Variants in PARD3B observed in about 807,000 individuals in gnomAD.
The protein encoded by PARD3B is partitioning defective 3 homolog B.
PARD3B carries 103 observed loss-of-function variants against 130.2 expected under a neutral mutation model. The ratio of observed to expected loss-of-function variants is 0.79; its 90% CI spans 0.67 to 0.93. PARD3B has a LOEUF of 0.93. PARD3B is among the 40% of genes least tolerant of loss of function. The pLI, the probability that PARD3B is intolerant of heterozygous loss-of-function variation, is 0.00. For synonymous variants in PARD3B, 583 were observed against 553.2 expected, an observed-to-expected ratio of 1.05 and a Z score of -0.76; for missense variants, 1,609 against 1,499.2, an observed-to-expected ratio of 1.07 and a Z score of -1.21.
chr2:205,504,173 G>A (rs541219931), intron 21 of PARD3B, among the ~76,000 whole-genome samples: 1 of 152,142 alleles, frequency 6.6e-6, no homozygotes, highest in Non-Finnish European at 1.5e-5. Context: ...ATGGTGCTGG[G>A]AAAACTGGCC....
intron 2 of PARD3B, among the ~76,000 whole-genome samples, chr2:204,713,047 G>A (rs1174022031): frequency 1.3e-5 from 2 of 152,056 alleles, no homozygotes; most frequent in East Asian, 3.9e-4. Context: ...GCTGTAGAGT[G>A]TTTCTAATGT....
Position 204,745,734 on chromosome 2 carries a change from T to G in PARD3B, c.222+59452T>G, listed in dbSNP as rs546188338. On this transcript the variant is annotated intron_variant, in intron 2 of 22. Transcript: ENST00000406610. ...ACCATTTTCATTACACCCAGAAGGT[T>G]GAGCCAATCTAATAATCTGTCCAAG... Among the ~76,000 whole-genome samples the G allele has an allele frequency of 2.3e-3, 353 of 152,176 alleles. 1 individual carries two copies. Among genetic ancestry groups the G allele is most frequent in the Non-Finnish European group, 3.1e-3 (208 of 67,992 alleles).
rs547190818 is a variant in PARD3B at position 205,037,865 on chromosome 2, T to C, written c.395-9716T>C. 3.3e-5 allele frequency among the ~76,000 whole-genome samples: 5 copies of C among 152,240 alleles called. No individual in the cohort carries two copies. The East Asian group carries it at 9.6e-4, about 29-fold the overall frequency. On this transcript the variant is annotated intron_variant, in intron 3 of 22. Transcript: ENST00000406610. Reference sequence around the variant, plus strand: ...TACTTATGTAAATTTTACAAAATTATATAATCATGTGATCTTGTTACTAAG... The same window carrying C: ...TACTTATGTAAATTTTACAAAATTACATAATCATGTGATCTTGTTACTAAG...
intron 18 of PARD3B, among the ~76,000 whole-genome samples, chr2:205,333,686 T>A (rs1009686568): frequency 2.0e-5 from 3 of 152,180 alleles, no homozygotes; most frequent in African/African-American, 4.8e-5. Flanking sequence ...CTTAGAATAT[T>A]TTCCATGTAC....
chr2:205,441,055 G>A (rs903447394), intron 20 of PARD3B, among the ~76,000 whole-genome samples: 4 of 152,222 alleles, frequency 2.6e-5, no homozygotes, highest in Non-Finnish European at 5.9e-5. Context: ...GAAAAGAGAA[G>A]ATGATAGCTT....
chr2:205,061,966 A>G (rs993412225), intron 4 of PARD3B, among the ~76,000 whole-genome samples: 6 of 152,022 alleles, frequency 3.9e-5, no homozygotes, highest in African/African-American at 1.4e-4. Context: ...TTATTAAGCA[A>G]CAAGCCAGTT....
chr2:205,346,922 G>A (rs150506522), intron 18 of PARD3B, among the ~76,000 whole-genome samples: 43 of 152,204 alleles, frequency 2.8e-4, no homozygotes, highest in African/African-American at 9.9e-4. Flanking sequence ...GCTAATGCTC[G>A]GTGGGTGGCC....
Position 205,619,412 on chromosome 2 carries a change from C to A in PARD3B, c.*3599C>A, listed in dbSNP as rs898995756. On this transcript the variant is annotated 3_prime_UTR_variant, in exon 23 of 23. Coordinates refer to ENST00000406610, the MANE Select transcript of PARD3B (RefSeq NM_001302769.2). ...CTTTGGCATTAAACTCTGAAACCTA[C>A]AATCAATGGCCTTCAAATTGGTGTT... 1 of 152,140 alleles carries A rather than the reference C, an allele frequency of 6.6e-6. No homozygotes were observed. The highest frequency in any genetic ancestry group is 1.5e-5 in the Non-Finnish European group (1 of 68,036). The allele number at this position is 152,140 out of a possible 1,614,324, so 9.4% of individuals were successfully genotyped here.
intron 3 of PARD3B, among the ~76,000 whole-genome samples, chr2:205,023,451 C>G (rs1049022859): frequency 2.8e-5 from 3 of 108,866 alleles, no homozygotes; most frequent in Non-Finnish European, 3.7e-5. Flanking sequence ...CATGCCCACA[C>G]CTTTTTTTTT....
chr2:205,520,923 T>A (rs928578718), intron 21 of PARD3B, among the ~76,000 whole-genome samples: 30 of 151,884 alleles, frequency 2.0e-4, no homozygotes, highest in African/African-American at 7.0e-4. Flanking sequence ...TTGTTTCTTA[T>A]CATAAGTAAT....
At chr2:204,608,721 C>T (rs1040398951) in intron 1 of PARD3B, among the ~76,000 whole-genome samples, 2 of 152,192 alleles carry the variant, frequency 1.3e-5, no homozygotes, top group Non-Finnish European at 2.9e-5. Flanking sequence ...GCAATATCTG[C>T]TGTTACTCCC....
intron 1 of PARD3B, among the ~76,000 whole-genome samples, chr2:204,684,148 C>A (rs2036967840): frequency 6.6e-6 from 1 of 152,142 alleles, no homozygotes; most frequent in Non-Finnish European, 1.5e-5. Flanking sequence ...GGAAGGTGTA[C>A]TTTAACTTAC....
chr2:204,574,654 T>C (rs1574484863), intron 1 of PARD3B, among the ~76,000 whole-genome samples: 1 of 152,368 alleles, frequency 6.6e-6, no homozygotes, highest in South Asian at 2.1e-4. Context: ...CTTCTGTTCT[T>C]ATCTGTAAGA....
chr2:204,953,045 T>C (rs1689919850), intron 2 of PARD3B, among the ~76,000 whole-genome samples: 2 of 145,098 alleles, frequency 1.4e-5, no homozygotes, highest in African/African-American at 5.1e-5. Flanking sequence ...TATGTATATA[T>C]GTATATATAC....
chr2:205,581,271 GATAGATATAGAT>G (rs1334496504), intron 22 of PARD3B, among the ~76,000 whole-genome samples: 4 of 131,214 alleles, frequency 3.0e-5, no homozygotes, highest in South Asian at 2.4e-4. Context: ...GATATAGATA[GATAGATATAGAT>G]ATATAGATAG....
At chr2:204,867,113 C>T (rs571674737) in intron 2 of PARD3B, among the ~76,000 whole-genome samples, 3 of 152,048 alleles carry the variant, frequency 2.0e-5, no homozygotes, top group African/African-American at 7.2e-5. Context: ...TTGTCCTTAT[C>T]AAAACAGTGC....
chr2:205,121,693 T>C lies in PARD3B; in HGVS notation c.909T>C (p.Ser303=), dbSNP rs1353726734. ...REQYEKSVIG[S]LNIFGNNDGV... is the part of the protein sequence containing the mutation. ...AGTATGAAAAGTCAGTCATTGGCTCTCTTAACATTTTTGGTAATAATGATG... is the reference window on the plus strand; with the variant it reads ...AGTATGAAAAGTCAGTCATTGGCTCCCTTAACATTTTTGGTAATAATGATG... Residue 303 remains serine (S), a synonymous_variant, in exon 8 of 23, where the codon TCT becomes TCC. Transcript: ENST00000406610. This position sits in a 1 kb window ranked among gnomAD's most constrained non-coding sequence, Gnocchi z 5.0. 1 of 1,614,164 alleles carries C rather than the reference T, an allele frequency of 6.2e-7. No homozygotes were observed. The highest frequency in any genetic ancestry group is 2.2e-5 in the East Asian group (1 of 44,880).
intron 18 of PARD3B, among the ~76,000 whole-genome samples, chr2:205,383,049 A>G (rs1460110877): frequency 3.0e-5 from 4 of 134,500 alleles, no homozygotes; most frequent in African/African-American, 1.0e-4. Flanking sequence ...CATTGTTTCT[A>G]GACTCTCTCA....
intron 4 of PARD3B, among the ~76,000 whole-genome samples, chr2:205,054,429 TATATA>T (rs1223930083): frequency 2.7e-3 from 83 of 30,854 alleles, no homozygotes; most frequent in Admixed American, 3.4e-3. Context: ...TATATATATA[TATATA>T]TATTTTTTTT....
Sources: allele counts gnomAD v4.1 joint callset (sites outside exome capture counted in the v4.1 genomes callset), GRCh38; gene constraint gnomAD v4.1.1; non-coding constraint Gnocchi (gnomAD v3.1); transcripts MANE v1.5; gene names NCBI Gene and HGNC (gene_info 2026-07-23, HGNC 2026-07-21).